AGMO: variants seen among roughly 807,000 people sequenced by gnomAD.
AGMO encodes the protein glyceryl-ether monooxygenase.
A neutral mutation model predicts 60.2 loss-of-function variants in AGMO; 75 were observed. That is an observed-to-expected ratio of 1.25 (90% confidence interval 1.03 to 1.51). AGMO has a LOEUF of 1.51. Ranked by LOEUF, AGMO falls within the 40% of genes most tolerant of loss-of-function variation. AGMO has a pLI of 0.00. For missense variants in AGMO, 763 were observed against 525.5 expected (o/e 1.45, Z -4.42); for synonymous variants, 261 against 177.1 (o/e 1.47, Z -3.76).
At chr7:15,423,518 G>C (rs1780980156) in intron 4 of AGMO, among the ~76,000 whole-genome samples, 1 of 86,782 alleles carries the variant, frequency 1.2e-5, no homozygotes, top group South Asian at 3.4e-4. Context: ...ACTGTTATGA[G>C]TTGAATTGAT....
intron 3 of AGMO, among the ~76,000 whole-genome samples, chr7:15,456,557 T>C (rs1189015334): frequency 6.6e-6 from 1 of 152,126 alleles, no homozygotes; most frequent in Admixed American, 6.6e-5. Context: ...CAGGGGATCT[T>C]CTAGTTCGTG....
At position 15,347,862 on chromosome 7, in the gene AGMO, C is replaced by G. The variant is rs10257641; in HGVS notation, c.1263+17652G>C. ...AAATTAAATACAGTCTGTATAAATA[C>G]TTTATTAAATACAGTATCATCACCT... On this transcript the variant is annotated intron_variant, in intron 12 of 12. Coordinates refer to ENST00000342526, the MANE Select transcript of AGMO (RefSeq NM_001004320.2). Among the ~76,000 whole-genome samples the G allele has an allele frequency of 7.5e-3, 1,146 of 152,060 alleles. 9 individuals are homozygous for G. Among genetic ancestry groups the G allele is most frequent in the African/African-American group, 0.026 (1,080 of 41,532 alleles).
At chr7:15,442,700 G>A (rs1365707480) in intron 3 of AGMO, among the ~76,000 whole-genome samples, 1 of 152,052 alleles carries the variant, frequency 6.6e-6, no homozygotes. Flanking sequence ...TCTACCCACA[G>A]ACCTAGGTGA....
the AGMO span, among the ~76,000 whole-genome samples, chr7:15,122,385 A>G: frequency 6.6e-6 from 1 of 152,108 alleles, no homozygotes; most frequent in African/African-American, 2.4e-5. Flanking sequence ...CTTTGTTCAC[A>G]TCAGATTTCA....
rs1196205505 is a variant in AGMO, at chr7:15,432,359, T to TACACACAC, written c.410-1252_410-1251insGTGTGTGT. On this transcript the variant is annotated intron_variant, in intron 3 of 12. Transcript: ENST00000342526. ...ATATATATATATACATACATATATATATACACACACATATATATATACACT... is the reference window on the plus strand; with the variant it reads ...ATATATATATATACATACATATATATACACACACATACACACACATATATATATACACT... Among the ~76,000 whole-genome samples, 187 of 100,090 alleles carry TACACACAC rather than the reference T, an allele frequency of 1.9e-3. 3 individuals carry two copies. The South Asian group carries it at 0.023, about 12-fold the overall frequency. 65.7% of individuals were successfully genotyped at this position (100,090 alleles called of 152,430 possible). A position where few individuals can be genotyped will look rare whatever the true frequency, so the allele number is the denominator to read the frequency against.
the AGMO span, among the ~76,000 whole-genome samples, chr7:15,119,228 C>T: frequency 1.3e-5 from 2 of 151,712 alleles, no homozygotes; most frequent in Admixed American, 6.6e-5. Context: ...CCTGCTCTGG[C>T]CATGTGAAGT....
intron 3 of AGMO, among the ~76,000 whole-genome samples, chr7:15,526,056 C>T (rs1201594325): frequency 1.3e-5 from 2 of 152,198 alleles, no homozygotes; most frequent in Non-Finnish European, 2.9e-5. Flanking sequence ...CACACACCTC[C>T]TCCCACCAGG....
the AGMO span, among the ~76,000 whole-genome samples, chr7:15,137,329 A>G: frequency 6.6e-6 from 1 of 151,892 alleles, no homozygotes; most frequent in African/African-American, 2.4e-5. Context: ...GATACTTTTT[A>G]TCTGATAATG....
intron 12 of AGMO, among the ~76,000 whole-genome samples, chr7:15,360,586 G>C (rs555999915): frequency 2.0e-5 from 3 of 152,164 alleles, no homozygotes; most frequent in African/African-American, 7.2e-5. Context: ...GTCTGAGGAG[G>C]AGGAGGAAGA....
chr7:15,472,949 C>T (rs1782488267), intron 3 of AGMO, among the ~76,000 whole-genome samples: 1 of 151,890 alleles, frequency 6.6e-6, no homozygotes, highest in Non-Finnish European at 1.5e-5. Flanking sequence ...TTCAGCAGCA[C>T]AGTGAACTCT....
At chr7:15,275,344 G>T (rs1413696148) in intron 12 of AGMO, among the ~76,000 whole-genome samples, 1 of 151,912 alleles carries the variant, frequency 6.6e-6, no homozygotes, top group East Asian at 1.9e-4. Context: ...AATTTGTGTA[G>T]TTTTAAGAGT....
At chr7:15,457,097 A>G (rs1297763149) in intron 3 of AGMO, among the ~76,000 whole-genome samples, 1 of 152,180 alleles carries the variant, frequency 6.6e-6, no homozygotes, top group Non-Finnish European at 1.5e-5. Flanking sequence ...TTCAGTATTC[A>G]GTTGCTTTTT....
At chr7:15,162,431 G>A in the AGMO span, among the ~76,000 whole-genome samples, 1 of 152,132 alleles carries the variant, frequency 6.6e-6, no homozygotes, top group East Asian at 1.9e-4. Flanking sequence ...GGTAGTTCAT[G>A]CCTGTAATCC....
chr7:15,155,345 G>C, the AGMO span, among the ~76,000 whole-genome samples: 2 of 146,116 alleles, frequency 1.4e-5, no homozygotes, highest in African/African-American at 5.0e-5. Flanking sequence ...CGAAGAAGCA[G>C]TCTTCTAGCT....
chr7:15,389,259 A>C (rs4286842), intron 8 of AGMO, among the ~76,000 whole-genome samples: 25,067 of 152,014 alleles, frequency 0.16, 4,513 homozygotes, highest in African/African-American at 0.45. Flanking sequence ...GATTCACATG[A>C]ACATTAAGTT....
intron 12 of AGMO, among the ~76,000 whole-genome samples, chr7:15,235,354 T>C (rs975563330): frequency 1.3e-5 from 2 of 152,158 alleles, no homozygotes; most frequent in African/African-American, 4.8e-5. Flanking sequence ...GAATGGCGAA[T>C]GTGTAGTAAG....
At chr7:15,385,612 T>C (rs200064511) in intron 9 of AGMO, 50 bp from the exon 10 acceptor site, 1 of 1,037,752 alleles carries the variant, frequency 9.6e-7, no homozygotes, top group East Asian at 2.4e-5. Context: ...CTCATTTTTC[T>C]TACTGAAATT....
chr7:15,143,470 C>A, the AGMO span, among the ~76,000 whole-genome samples: 3 of 152,232 alleles, frequency 2.0e-5, no homozygotes, highest in Admixed American at 6.5e-5. Context: ...CACTGGATGC[C>A]AACATCTAAC....
chr7:15,351,206 G>T (rs540914804), intron 12 of AGMO, among the ~76,000 whole-genome samples: 6 of 152,036 alleles, frequency 3.9e-5, no homozygotes, highest in Non-Finnish European at 5.9e-5. Context: ...ATGGGAAAGG[G>T]TCCTCATGAA....
Sources: allele counts gnomAD v4.1 joint callset (sites outside exome capture counted in the v4.1 genomes callset), GRCh38; gene constraint gnomAD v4.1.1; transcripts MANE v1.5; gene names NCBI Gene and HGNC (gene_info 2026-07-23, HGNC 2026-07-21).